Variants in CFAP58 observed in about 807,000 individuals in gnomAD.
CFAP58 encodes cilia and flagella associated protein 58.
A neutral mutation model predicts 119.5 loss-of-function variants in CFAP58; 88 were observed. The observed-to-expected ratio is 0.74, with a 90% CI of 0.62 to 0.88. CFAP58 has a LOEUF of 0.88. Among genes scored for constraint, CFAP58 ranks in the 40% least tolerant of loss-of-function variants. The pLI is 0.00. For synonymous variants in CFAP58, 365 were observed against 366.3 expected, an observed-to-expected ratio of 1.00 and a Z score of 0.04; for missense variants, 990 against 1,021.2, an observed-to-expected ratio of 0.97 and a Z score of 0.42.
intron 15 of CFAP58, among the ~76,000 whole-genome samples, chr10:104,431,373 G>A (rs1206831242): frequency 1.3e-5 from 2 of 152,094 alleles, no homozygotes; most frequent in Non-Finnish European, 2.9e-5. Flanking sequence ...AGTGTTATGG[G>A]ATTTATATTT....
At chr10:104,391,852 A>C (rs1403066010) in intron 9 of CFAP58, among the ~76,000 whole-genome samples, 1 of 152,198 alleles carries the variant, frequency 6.6e-6, no homozygotes, top group Non-Finnish European at 1.5e-5. Flanking sequence ...CAGCTAGGTT[A>C]TCTCTTATCT....
At chr10:104,384,551 GA>G (rs1359114070) in intron 9 of CFAP58, among the ~76,000 whole-genome samples, 4 of 152,194 alleles carry the variant, frequency 2.6e-5, no homozygotes, top group Admixed American at 1.3e-4. Flanking sequence ...GTCTGGCTCT[GA>G]AAATGCTTCT....
chr10:104,399,464 C>T lies in CFAP58; in HGVS notation c.1779C>T (p.Asp593=), dbSNP rs202205374. 69 of 1,613,690 alleles carry T rather than the reference C, an allele frequency of 4.3e-5. No homozygotes were observed. Among genetic ancestry groups the T allele is most frequent in the East Asian group, 2.9e-4 (13 of 44,856 alleles). The change falls in exon 12 of 18, where the codon GAC becomes GAT. Residue 593 remains aspartate (D), a synonymous_variant. Coordinates refer to ENST00000369704, the MANE Select transcript of CFAP58 (RefSeq NM_001008723.2). ...TCCTGCGAATAATTGCTGAGGCTGA[C>T]GGGGAGAGGTTGAGACAGAAGAAGG... ...RKLLRIIAEA[D]GERLRQKKEL... is the part of the protein sequence containing the mutation.
chr10:104,339,765 A>G, the CFAP58 span, among the ~76,000 whole-genome samples: 4 of 152,180 alleles, frequency 2.6e-5, no homozygotes, highest in Admixed American at 2.0e-4. Context: ...GTAAGAGGTT[A>G]TGGCAGAATT....
rs547739904 is a variant in CFAP58, at chr10:104,386,252, C to T, written c.1366-5981C>T. On this transcript the variant is annotated intron_variant, in intron 9 of 17. Transcript: ENST00000369704. ...AATTAGCTGGGAGTGGTGGTGGGCA[C>T]CTGTAATCCCAGCTACTTGGGAGGC... is the stretch of plus-strand genomic sequence containing the variant. Among the ~76,000 whole-genome samples, 185 of 151,314 alleles carry T rather than the reference C, an allele frequency of 1.2e-3. 2 individuals carry two copies. The highest frequency in any genetic ancestry group is 4.1e-3 in the African/African-American group (171 of 41,320).
At chr10:104,357,968 C>CAA (rs1320490810) in intron 1 of CFAP58, among the ~76,000 whole-genome samples, 1 of 104,604 alleles carries the variant, frequency 9.6e-6, no homozygotes, top group African/African-American at 6.4e-5. Flanking sequence ...CATATATGTA[C>CAA]ACATATGTAC....
intron 9 of CFAP58, among the ~76,000 whole-genome samples, chr10:104,384,763 A>C (rs578252144): frequency 9.2e-5 from 14 of 152,198 alleles, no homozygotes; most frequent in Non-Finnish European, 1.9e-4. Flanking sequence ...TTAGCAAAAT[A>C]CCTTGATATT....
intron 15 of CFAP58, among the ~76,000 whole-genome samples, chr10:104,419,068 G>A (rs1015627267): frequency 6.6e-6 from 1 of 152,190 alleles, no homozygotes; most frequent in Non-Finnish European, 1.5e-5. Context: ...CTGTGTCCCC[G>A]TCGTGCTCCT....
At position 104,378,640 on chromosome 10, in the gene CFAP58, G is replaced by A. The variant is rs1480396456; in HGVS notation, c.1174-1389G>A. The stretch of plus-strand genomic sequence containing the variant: ...TCTTCTTTCAGTGAAGATTGTCACT[G>A]TCTCTCTCGTTTTCCAGTCCATATG... On this transcript the variant is annotated intron_variant, in intron 8 of 17. Coordinates refer to ENST00000369704, the MANE Select transcript of CFAP58 (RefSeq NM_001008723.2). Among the ~76,000 whole-genome samples, 5 of 152,244 alleles carry A rather than the reference G, an allele frequency of 3.3e-5. No homozygotes were observed. The East Asian group carries it at 9.6e-4, about 29-fold the overall frequency.
At chr10:104,409,033 G>A (rs2012414540) in intron 15 of CFAP58, among the ~76,000 whole-genome samples, 1 of 152,108 alleles carries the variant, frequency 6.6e-6, no homozygotes, top group African/African-American at 2.4e-5. Context: ...CCATGAATTC[G>A]AGGCTGTGGT....
At chr10:104,339,286 T>C in the CFAP58 span, among the ~76,000 whole-genome samples, 1 of 152,206 alleles carries the variant, frequency 6.6e-6, no homozygotes, top group Non-Finnish European at 1.5e-5. Context: ...CGCGGTAGTT[T>C]CTGGTTACTG....
intron 15 of CFAP58, among the ~76,000 whole-genome samples, chr10:104,409,387 T>C (rs1185606866): frequency 6.6e-6 from 1 of 152,198 alleles, no homozygotes; most frequent in Non-Finnish European, 1.5e-5. Flanking sequence ...TTGGAATTTG[T>C]TGAACTTGAT....
At chr10:104,396,427 AGAG>A (rs1564891133) in intron 11 of CFAP58, among the ~76,000 whole-genome samples, 11 of 138,984 alleles carry the variant, frequency 7.9e-5, no homozygotes, top group South Asian at 4.5e-4. Flanking sequence ...AGAGAGAGAG[AGAG>A]AGAGAGAGAA....
intron 8 of CFAP58, among the ~76,000 whole-genome samples, 190 bp downstream of exon 8, chr10:104,377,083 C>G (rs967851878): frequency 6.6e-6 from 1 of 152,144 alleles, no homozygotes; most frequent in African/African-American, 2.4e-5. Flanking sequence ...ATTGCAATTG[C>G]GTTATCACCT....
chr10:104,419,392 T>C (rs2012616704), intron 15 of CFAP58, among the ~76,000 whole-genome samples: 1 of 152,172 alleles, frequency 6.6e-6, no homozygotes, highest in Non-Finnish European at 1.5e-5. Flanking sequence ...AAAGTGCTTT[T>C]CAGGCATTGT....
At chr10:104,362,370 G>T (rs912530375) in intron 3 of CFAP58, among the ~76,000 whole-genome samples, 199 bp downstream of exon 3, 1 of 152,160 alleles carries the variant, frequency 6.6e-6, no homozygotes, top group Non-Finnish European at 1.5e-5. Context: ...CTTCTAATTT[G>T]TGGTTATCTT....
intron 15 of CFAP58, among the ~76,000 whole-genome samples, chr10:104,431,959 T>A (rs944661418): frequency 1.3e-5 from 2 of 152,244 alleles, no homozygotes; most frequent in Non-Finnish European, 2.9e-5. Flanking sequence ...GCCATTTTTT[T>A]AAAGATGATG....
At chr10:104,405,062 A>AT (rs935702516) in intron 14 of CFAP58, among the ~76,000 whole-genome samples, 1 of 151,952 alleles carries the variant, frequency 6.6e-6, no homozygotes, top group African/African-American at 2.4e-5. Context: ...CTTGTTTTCC[A>AT]TTTTTATTTT....
intron 15 of CFAP58, among the ~76,000 whole-genome samples, chr10:104,420,445 A>AT (rs2012637305): frequency 6.6e-6 from 1 of 152,232 alleles, no homozygotes; most frequent in Non-Finnish European, 1.5e-5. Context: ...AGAGACACAG[A>AT]TGACTTCTGG....
Sources: allele counts gnomAD v4.1 joint callset (sites outside exome capture counted in the v4.1 genomes callset), GRCh38; gene constraint gnomAD v4.1.1; transcripts MANE v1.5; gene names NCBI Gene and HGNC (gene_info 2026-07-23, HGNC 2026-07-21).